Variants in TMEM232 observed in about 807,000 individuals in gnomAD.
TMEM232 encodes the protein transmembrane protein 232.
TMEM232 carries 80 observed loss-of-function variants against 78.8 expected under a neutral mutation model. The observed-to-expected ratio is 1.01, with a 90% CI of 0.85 to 1.22. The LOEUF (loss-of-function observed/expected upper bound fraction) is 1.22. Ranked by LOEUF, TMEM232 falls within the 50% of genes most tolerant of loss-of-function variation. TMEM232 has a pLI of 0.00. For missense variants in TMEM232, 881 were observed against 742.2 expected (o/e 1.19, Z -2.17); for synonymous variants, 297 against 254.3 (o/e 1.17, Z -1.60).
At chr5:110,736,434 G>GACATAA (rs1799173519) in intron 1 of TMEM232, among the ~76,000 whole-genome samples, 1 of 152,032 alleles carries the variant, frequency 6.6e-6, no homozygotes, top group Non-Finnish European at 1.5e-5. Context: ...ATGCAAGCCC[G>GACATAA]TGCTCAGACA....
At chr5:110,421,563 T>C (rs960553075) in intron 13 of TMEM232, among the ~76,000 whole-genome samples, 2 of 151,506 alleles carry the variant, frequency 1.3e-5, no homozygotes, top group Non-Finnish European at 2.9e-5. Context: ...TGGACATTCC[T>C]AAAGATACTG....
chr5:110,733,680 T>C (rs1195212905), intron 2 of TMEM232, among the ~76,000 whole-genome samples: 3 of 151,970 alleles, frequency 2.0e-5, no homozygotes, highest in South Asian at 2.1e-4. Context: ...TGGGGCCTAC[T>C]TGAGGGTGAA....
intron 12 of TMEM232, among the ~76,000 whole-genome samples, chr5:110,520,786 C>T (rs970577726): frequency 6.6e-5 from 10 of 152,038 alleles, no homozygotes; most frequent in Admixed American, 1.3e-4. Flanking sequence ...GGCATGGTGT[C>T]GTATGCTTAT....
intron 1 of TMEM232, among the ~76,000 whole-genome samples, chr5:110,696,489 A>G (rs1422830264): frequency 1.3e-5 from 2 of 152,206 alleles, no homozygotes; most frequent in South Asian, 2.1e-4. Context: ...AGGGCATTCA[A>G]TTAGGAAAAA....
rs1580727334 is a variant in TMEM232 at position 110,449,926 on chromosome 5, C to T, written c.1704-25010G>A. 2.0e-5 allele frequency among the ~76,000 whole-genome samples: 3 copies of T among 152,106 alleles called. No homozygotes were observed. In the South Asian group the frequency reaches 6.2e-4, roughly 31 times the overall value. ...TCATGATTATTGATACAGCTTGGCTCTGTGTCCCCACTCAGATCTCATGTT... is the reference window on the plus strand; with the variant it reads ...TCATGATTATTGATACAGCTTGGCTTTGTGTCCCCACTCAGATCTCATGTT... On this transcript the variant is annotated intron_variant, in intron 12 of 13. Transcript: ENST00000455884.
At chr5:110,704,010 AT>A (rs1795682959) in intron 1 of TMEM232, among the ~76,000 whole-genome samples, 1 of 152,084 alleles carries the variant, frequency 6.6e-6, no homozygotes, top group South Asian at 2.1e-4. Context: ...TGGATAGAGG[AT>A]TTCTCCATCC....
chr5:110,495,860 G>A (rs1349019146), intron 12 of TMEM232, among the ~76,000 whole-genome samples: 2 of 149,566 alleles, frequency 1.3e-5, no homozygotes, highest in Non-Finnish European at 1.5e-5. Flanking sequence ...AATATCAATT[G>A]AATAATACAA....
intron 2 of TMEM232, among the ~76,000 whole-genome samples, chr5:110,652,294 G>GCACGCGCGCACA (rs1554069162): frequency 1.2e-4 from 17 of 145,360 alleles, no homozygotes; most frequent in African/African-American, 4.1e-4. Context: ...GCACGCGCGC[G>GCACGCGCGCACA]CACACACACA....
At chr5:110,623,442 A>T (rs924030724) in intron 7 of TMEM232, among the ~76,000 whole-genome samples, 3 of 152,174 alleles carry the variant, frequency 2.0e-5, no homozygotes, top group Admixed American at 1.3e-4. Context: ...AAATTCACAA[A>T]TCCTCTGCTA....
chr5:110,455,571 G>T (rs905244353), intron 12 of TMEM232, among the ~76,000 whole-genome samples: 7 of 151,952 alleles, frequency 4.6e-5, no homozygotes, highest in African/African-American at 1.7e-4. Flanking sequence ...ATAAAGACAG[G>T]GTTTCACCGT....
intron 12 of TMEM232, among the ~76,000 whole-genome samples, chr5:110,458,271 C>CT (rs369663327): frequency 2.8e-4 from 42 of 151,086 alleles, no homozygotes; most frequent in African/African-American, 5.1e-4. Flanking sequence ...GTTTTGTCAT[C>CT]TTTTTTTTGT....
intron 12 of TMEM232, among the ~76,000 whole-genome samples, chr5:110,426,698 C>A (rs1757275686): frequency 6.6e-6 from 1 of 151,948 alleles, no homozygotes; most frequent in African/African-American, 2.4e-5. Flanking sequence ...TTAATGCATG[C>A]AGAATAGGGC....
chr5:110,449,109 C>T (rs1397727771), intron 12 of TMEM232, among the ~76,000 whole-genome samples: 1 of 151,902 alleles, frequency 6.6e-6, no homozygotes, highest in Non-Finnish European at 1.5e-5. Flanking sequence ...AAAAATTAAA[C>T]TATCAAGAGT....
intron 8 of TMEM232, among the ~76,000 whole-genome samples, chr5:110,616,755 T>C (rs150093464): frequency 6.6e-6 from 1 of 152,146 alleles, no homozygotes; most frequent in African/African-American, 2.4e-5. Flanking sequence ...ACAATGACAT[T>C]ATCACCTCAC....
chr5:110,541,021 A>G (rs1359722952), intron 11 of TMEM232, among the ~76,000 whole-genome samples: 1 of 152,156 alleles, frequency 6.6e-6, no homozygotes, highest in African/African-American at 2.4e-5. Flanking sequence ...TCAGGGTGCA[A>G]TCCCAACAGG....
chr5:110,460,465 C>CA, intron 12 of TMEM232, among the ~76,000 whole-genome samples: 1 of 152,148 alleles, frequency 6.6e-6, no homozygotes, highest in East Asian at 1.9e-4. Flanking sequence ...TATGTTACCT[C>CA]AAAAATATTT....
At chr5:110,486,063 G>C (rs1486507848) in intron 12 of TMEM232, among the ~76,000 whole-genome samples, 1 of 151,698 alleles carries the variant, frequency 6.6e-6, no homozygotes, top group Non-Finnish European at 1.5e-5. Flanking sequence ...GCATTTCCCT[G>C]ATCATTAGAG....
intron 10 of TMEM232, among the ~76,000 whole-genome samples, chr5:110,585,297 G>A (rs539397725): frequency 6.6e-6 from 1 of 152,164 alleles, no homozygotes; most frequent in African/African-American, 2.4e-5. Context: ...TTATTTAGTA[G>A]GAATGATAGC....
At chr5:110,439,374 A>AAAAC (rs1309885405) in intron 12 of TMEM232, among the ~76,000 whole-genome samples, 8 of 152,116 alleles carry the variant, frequency 5.3e-5, no homozygotes, top group Non-Finnish European at 8.8e-5. Flanking sequence ...CTTGTATTTT[A>AAAAC]AAACATTCTA....
Sources: allele counts gnomAD v4.1 joint callset (sites outside exome capture counted in the v4.1 genomes callset), GRCh38; gene constraint gnomAD v4.1.1; transcripts MANE v1.5; gene names NCBI Gene and HGNC (gene_info 2026-07-23, HGNC 2026-07-21).